KCNE2: variants seen among roughly 807,000 people sequenced by gnomAD.
KCNE2 encodes potassium voltage-gated channel subfamily E member 2.
KCNE2 carries 4 observed loss-of-function variants against 4.5 expected under a neutral mutation model. The ratio of observed to expected loss-of-function variants is 0.89; its 90% CI spans 0.44 to 2.03. KCNE2 has a LOEUF of 2.03. KCNE2 is among the 30% of genes most tolerant of loss of function. The pLI, the probability that KCNE2 is intolerant of heterozygous loss-of-function variation, is 0.03. For missense variants in KCNE2, 137 were observed against 151.4 expected (o/e 0.90, Z 0.50); for synonymous variants, 57 against 55.9 (o/e 1.02, Z -0.09).
At chr21:34,368,248 ATATATATATATATGTATGTTATATATATG>A (rs1285656684) in intron 1 of KCNE2, among the ~76,000 whole-genome samples, 1,034 of 102,536 alleles carry the variant, frequency 0.01, 10 homozygotes, top group African/African-American at 0.013. Context: ...ATATATATAT[ATATATATATATATGTATGTTATATATATG>A]TATGTTATAT....
At chr21:34,368,230 A>ACACAC (rs1568812346) in intron 1 of KCNE2, among the ~76,000 whole-genome samples, 33 of 13,082 alleles carry the variant, frequency 2.5e-3, no homozygotes, top group African/African-American at 5.8e-3. Flanking sequence ...CACACACACA[A>ACACAC]TATATATATA....
chr21:34,370,634 C>T lies in KCNE2; in HGVS notation c.156C>T (p.Tyr52=), dbSNP rs776764531. The change falls in exon 2 of 2, where the codon TAC becomes TAT. Residue 52 remains tyrosine (Y), a synonymous_variant. Transcript: ENST00000290310. ...AGAACTTCTACTATGTCATCCTGTA[C>T]CTCATGGTGATGATTGGAATGTTCT... The part of the protein sequence containing the change: ...DAENFYYVIL[Y]LMVMIGMFSF... The T allele has an allele frequency of 6.2e-7, 1 of 1,614,208 alleles. No homozygotes were observed. The highest frequency in any genetic ancestry group is 1.7e-5 in the Admixed American group (1 of 60,034).
In KCNE2 at chr21:34,370,962, C is replaced by A; in HGVS notation, c.*112C>A. ...TAGAAGAAAGTGAGTTCCTTGCTCT[C>A]TGTTGAGAATTTTCATGGAGATTAT... On this transcript the variant is annotated 3_prime_UTR_variant, in exon 2 of 2. Transcript: ENST00000290310. The A allele has an allele frequency of 7.4e-7, 1 of 1,353,750 alleles. No individual in the cohort carries two copies. Among genetic ancestry groups the A allele is most frequent in the Non-Finnish European group, 1.0e-6 (1 of 960,436 alleles). 83.9% of individuals were successfully genotyped at this position (1,353,750 alleles called of 1,614,324 possible).
In KCNE2 at chr21:34,371,154, G is replaced by A. The variant is rs549516417; in HGVS notation, c.*304G>A. 229 of 414,806 alleles carry A rather than the reference G, an allele frequency of 5.5e-4. No homozygotes were observed. Among genetic ancestry groups the A allele is most frequent in the African/African-American group, 4.1e-3 (205 of 49,460 alleles). 25.7% of individuals were successfully genotyped at this position (414,806 alleles called of 1,614,324 possible). A position where few individuals can be genotyped will look rare whatever the true frequency, so the allele number is the denominator to read the frequency against. On this transcript the variant is annotated 3_prime_UTR_variant, in exon 2 of 2. Transcript: ENST00000290310. ...GCCAAATTTGAAGTAAAGTGTCTGG[G>A]CAGTGGCTGTGGGGATAGAAAGGAG...
chr21:34,365,079 A>G (rs576259563), intron 1 of KCNE2, among the ~76,000 whole-genome samples: 1 of 152,294 alleles, frequency 6.6e-6, no homozygotes, highest in South Asian at 2.1e-4. Context: ...GGCTTGGGTG[A>G]TGTGAGTTCT....
In KCNE2 at chr21:34,370,934, G is replaced by A. The variant is rs1439034673; in HGVS notation, c.*84G>A. On this transcript the variant is annotated 3_prime_UTR_variant, in exon 2 of 2. Coordinates refer to ENST00000290310, the MANE Select transcript of KCNE2 (RefSeq NM_172201.2). ...CACGAGGCAAATCCAAATTGTCTTTGCTTAGAAGAAAGTGAGTTCCTTGCT... is the reference window on the plus strand; with the variant it reads ...CACGAGGCAAATCCAAATTGTCTTTACTTAGAAGAAAGTGAGTTCCTTGCT... 2.5e-6 allele frequency: 4 copies of A among 1,571,606 alleles called. No individual in the cohort carries two copies. Among genetic ancestry groups the A allele is most frequent in the East Asian group, 4.5e-5 (2 of 44,388 alleles).
chr21:34,369,209 C>T (rs937425441), intron 1 of KCNE2, among the ~76,000 whole-genome samples: 5 of 152,064 alleles, frequency 3.3e-5, no homozygotes, highest in Admixed American at 2.0e-4. Context: ...GAACAACCAT[C>T]GCATCATTTT....
In KCNE2 at chr21:34,365,824, C is replaced by A. The variant is rs72550224; in HGVS notation, c.-13+1673C>A. Among the ~76,000 whole-genome samples the A allele has an allele frequency of 2.7e-3, 415 of 152,380 alleles. 1 individual carries two copies. The highest frequency in any genetic ancestry group is 0.014 in the Middle Eastern group (4 of 294). ...TAATTGGAATGTCTTAGCATAATGT[C>A]CTTCAACGAAGCTGCTTTCACACAC... On this transcript the variant is annotated intron_variant, in intron 1 of 1. Transcript: ENST00000290310.
intron 1 of KCNE2, among the ~76,000 whole-genome samples, 184 bp downstream of exon 1, chr21:34,364,335 A>G (rs1417282491): frequency 6.6e-6 from 1 of 152,186 alleles, no homozygotes; most frequent in Non-Finnish European, 1.5e-5. Flanking sequence ...CTTAGAATGA[A>G]AATTTTGAGA....
chr21:34,368,219 ACACACACACAATATAT>A (rs1206039385), intron 1 of KCNE2, among the ~76,000 whole-genome samples: 1 of 94,004 alleles, frequency 1.1e-5, no homozygotes, highest in Non-Finnish European at 2.0e-5. Flanking sequence ...ACACACACAC[ACACACACACAATATAT>A]ATATATATAT....
intron 1 of KCNE2, 50 bp from the exon 2 acceptor site, chr21:34,370,417 A>G: frequency 6.2e-7 from 1 of 1,612,750 alleles, no homozygotes; most frequent in Non-Finnish European, 8.5e-7. Flanking sequence ...AAATCCAGAA[A>G]AGATCCGTTT....
intron 1 of KCNE2, 48 bp from the exon 2 acceptor site, chr21:34,370,419 G>T (rs1979522048): frequency 6.2e-6 from 10 of 1,612,726 alleles, no homozygotes; most frequent in Non-Finnish European, 7.6e-6. Context: ...ATCCAGAAAA[G>T]ATCCGTTTTC....
chr21:34,366,701 C>T (rs548207202), intron 1 of KCNE2, among the ~76,000 whole-genome samples: 32 of 152,052 alleles, frequency 2.1e-4, no homozygotes, highest in African/African-American at 5.1e-4. Flanking sequence ...AAAACAAGGC[C>T]GGGCACGGTG....
intron 1 of KCNE2, among the ~76,000 whole-genome samples, chr21:34,367,710 C>A (rs1979369610): frequency 6.6e-6 from 1 of 152,136 alleles, no homozygotes. Context: ...GATTGAAATT[C>A]CTTTCCCAGA....
At chr21:34,368,229 AATATATATATAT>A (rs10596236) in intron 1 of KCNE2, among the ~76,000 whole-genome samples, 34 of 84,794 alleles carry the variant, frequency 4.0e-4, no homozygotes, top group South Asian at 2.2e-3. Flanking sequence ...ACACACACAC[AATATATATATAT>A]ATATATATAT....
At chr21:34,366,524 C>T (rs748738835) in intron 1 of KCNE2, among the ~76,000 whole-genome samples, 8 of 151,974 alleles carry the variant, frequency 5.3e-5, no homozygotes, top group African/African-American at 1.5e-4. Flanking sequence ...TGTAGGGTCC[C>T]GGGATTCAGA....
chr21:34,370,618 A>G lies in KCNE2; in HGVS notation c.140A>G (p.Tyr47Cys). ...GCCAAAGTTGATGCTGAGAACTTCT[A>G]CTATGTCATCCTGTACCTCATGGTG... ...LQAKVDAENF[Y>C]YVILYLMVMI... is the part of the protein sequence containing the mutation. The change falls in exon 2 of 2, where the codon TAC becomes TGC. Residue 47 changes from tyrosine (Y) to cysteine (C), a missense_variant. Tyr to Cys is a radical substitution (Grantham distance 194). Transcript: ENST00000290310. The G allele has an allele frequency of 1.9e-6, 3 of 1,614,248 alleles. No individual in the cohort carries two copies. Among genetic ancestry groups the G allele is most frequent in the Non-Finnish European group, 2.5e-6 (3 of 1,180,050 alleles).
rs988892613 is a variant in KCNE2, at chr21:34,366,918, G to A, written c.-13+2767G>A. ...GGCGTAAACCCGGGAGGCAGAGCTTGCAGTAAGCCGAGATCGCGCCACTGC... is the reference window on the plus strand; with the variant it reads ...GGCGTAAACCCGGGAGGCAGAGCTTACAGTAAGCCGAGATCGCGCCACTGC... On this transcript the variant is annotated intron_variant, in intron 1 of 1. Coordinates refer to ENST00000290310, the MANE Select transcript of KCNE2 (RefSeq NM_172201.2). Among the ~76,000 whole-genome samples the A allele has an allele frequency of 3.1e-5, 4 of 130,020 alleles. No individual in the cohort carries two copies. The Admixed American group carries it at 3.8e-4, about 12-fold the overall frequency. 85.3% of individuals were successfully genotyped at this position (130,020 alleles called of 152,430 possible).
intron 1 of KCNE2, among the ~76,000 whole-genome samples, chr21:34,368,223 ACACACAAT>A (rs1386746237): frequency 3.5e-3 from 276 of 79,606 alleles, no homozygotes; most frequent in Non-Finnish European, 5.5e-3. Flanking sequence ...ACACACACAC[ACACACAAT>A]ATATATATAT....
Sources: gnomAD v4.1 joint callset for allele counts (sites outside exome capture counted in the v4.1 genomes callset) on GRCh38, gnomAD v4.1.1 for gene constraint, MANE v1.5 for transcripts, NCBI Gene and HGNC (gene_info 2026-07-23, HGNC 2026-07-21) for gene names.